Variants in NLRC5 observed in about 807,000 individuals in gnomAD.
NLRC5 encodes protein NLRC5.
A neutral mutation model predicts 206.9 loss-of-function variants in NLRC5; 114 were observed. That is an observed-to-expected ratio of 0.55 (90% CI 0.47 to 0.64). The LOEUF (loss-of-function observed/expected upper bound fraction) is 0.64. Ranked by LOEUF, NLRC5 falls within the 30% of genes least tolerant of loss-of-function variation. The pLI, the probability that NLRC5 is intolerant of heterozygous loss-of-function variation, is 0.00. For synonymous variants in NLRC5, 952 were observed against 962.8 expected, an observed-to-expected ratio of 0.99 and a Z score of 0.21; for missense variants, 2,008 against 2,305.5, an observed-to-expected ratio of 0.87 and a Z score of 2.64.
intron 1 of NLRC5, among the ~76,000 whole-genome samples, chr16:57,000,124 C>T (rs1299611193): frequency 1.3e-5 from 2 of 152,128 alleles, no homozygotes; most frequent in East Asian, 1.9e-4. Context: ...GCCCGGGACA[C>T]GCAAGCGGGA....
At chr16:57,040,829 T>C (rs2063188481) in intron 17 of NLRC5, 111 bp downstream of exon 17, 1 of 995,150 alleles carries the variant, frequency 1.0e-6, no homozygotes, top group Admixed American at 2.0e-5. Flanking sequence ...GAAGGACACC[T>C]GACCTGCTGT....
intron 27 of NLRC5, among the ~76,000 whole-genome samples, chr16:57,056,872 T>C (rs1166309862): frequency 6.6e-6 from 1 of 151,950 alleles, no homozygotes; most frequent in Non-Finnish European, 1.5e-5. Context: ...TTGGCCAGGC[T>C]GGTCTTGAAC....
rs1427192468 is a variant in NLRC5, at chr16:57,044,199, C to T, written c.3203+595C>T. ...GGTTGTGAGCCCTTGTAGTGCCAGC[C>T]GCTCAGGAGTCAGGAGAATCACTTG... On this transcript the variant is annotated intron_variant, in intron 20 of 48. Coordinates refer to ENST00000688547, the MANE Select transcript of NLRC5 (RefSeq NM_001384950.1). Among the ~76,000 whole-genome samples, 6 of 151,490 alleles carry T rather than the reference C, an allele frequency of 4.0e-5. No homozygotes were observed. The East Asian group carries it at 5.8e-4, about 15-fold the overall frequency.
intron 24 of NLRC5, among the ~76,000 whole-genome samples, chr16:57,051,841 A>G (rs2144261296): frequency 6.6e-6 from 1 of 151,888 alleles, no homozygotes; most frequent in Middle Eastern, 3.4e-3. Context: ...TACTTTGTCA[A>G]CCTCAGGGGG....
chr16:57,032,071 C>G (rs1306285245), intron 11 of NLRC5, among the ~76,000 whole-genome samples: 1 of 152,086 alleles, frequency 6.6e-6, no homozygotes, highest in Non-Finnish European at 1.5e-5. Flanking sequence ...ATCTCTTTCC[C>G]TTCTCTGGAT....
rs771824021 is a variant in NLRC5 at position 57,028,337 on chromosome 16, G to A, written c.2195G>A (p.Ser732Asn). The A allele has an allele frequency of 3.1e-6, 5 of 1,614,158 alleles. No homozygotes were observed. The East Asian group carries it at 1.1e-4, about 36-fold the overall frequency. Residue 732 changes from serine to asparagine, a missense_variant, in exon 8 of 49, where the codon AGC (serine) becomes AAC (asparagine). Coordinates refer to ENST00000688547, the MANE Select transcript of NLRC5 (RefSeq NM_001384950.1). ...AGSKITARGI[S>N]HLVKALPLCP... ...AGTAAAATCACTGCCCGAGGCATCA[G>A]CCACCTGGTGAAAGCTTTGCCTCTC...
intron 32 of NLRC5, among the ~76,000 whole-genome samples, chr16:57,063,491 T>A (rs1404543470): frequency 1.3e-5 from 2 of 152,210 alleles, no homozygotes; most frequent in African/African-American, 4.8e-5. Flanking sequence ...ATCCATCAAT[T>A]GACACTTGGG....
chr16:57,068,723 CA>C (rs1230616158), intron 36 of NLRC5, among the ~76,000 whole-genome samples: 34 of 152,314 alleles, frequency 2.2e-4, no homozygotes, highest in African/African-American at 8.2e-4. Context: ...CCAATCTCAC[CA>C]GTTCTCCCAA....
At chr16:57,010,832 T>C (rs2059406261) in intron 1 of NLRC5, among the ~76,000 whole-genome samples, 1 of 152,236 alleles carries the variant, frequency 6.6e-6, no homozygotes, top group Non-Finnish European at 1.5e-5. Context: ...CATCATCTTG[T>C]ATTTCTCTTC....
chr16:57,055,636 C>T (rs2065550566), intron 27 of NLRC5, 117 bp downstream of exon 27: 6 of 780,114 alleles, frequency 7.7e-6, no homozygotes, highest in South Asian at 7.6e-5. Flanking sequence ...CTACACCTCT[C>T]AGGACCAGCT....
At chr16:57,033,791 G>C (rs1429407178) in intron 12 of NLRC5, 122 bp downstream of exon 12, 3 of 931,326 alleles carry the variant, frequency 3.2e-6, no homozygotes, top group Non-Finnish European at 5.1e-6. Flanking sequence ...GAAAGGATTA[G>C]CCGGGTGTGG....
intron 27 of NLRC5, among the ~76,000 whole-genome samples, chr16:57,055,804 C>T (rs1270479788): frequency 1.3e-5 from 2 of 152,174 alleles, no homozygotes; most frequent in Admixed American, 1.3e-4. Context: ...CAGATGGGGG[C>T]TAAAACGCAG....
intron 46 of NLRC5, chr16:57,080,852 G>A (rs2069046680): frequency 2.0e-6 from 1 of 512,390 alleles, no homozygotes; most frequent in South Asian, 2.7e-5. Context: ...GTACATGTAT[G>A]TGGCAAAAAT....
chr16:57,070,126 T>C (rs1436636214), intron 37 of NLRC5, among the ~76,000 whole-genome samples: 3 of 152,182 alleles, frequency 2.0e-5, no homozygotes, highest in Middle Eastern at 3.2e-3. Context: ...ACAGAGGGGC[T>C]GTGGGCATGG....
intron 29 of NLRC5, 87 bp downstream of exon 29, chr16:57,059,148 C>T: frequency 3.7e-6 from 6 of 1,607,166 alleles, no homozygotes; most frequent in Non-Finnish European, 5.1e-6. Flanking sequence ...GGCACCCACA[C>T]TTTGTGGCCT....
Position 57,031,481 on chromosome 16 carries a change from G to T in NLRC5, c.2477+18G>T. 6.2e-7 allele frequency: 1 copy of T among 1,613,448 alleles called. No individual in the cohort carries two copies. The highest frequency in any genetic ancestry group is 8.5e-7 in the Non-Finnish European group (1 of 1,179,812). On this transcript the variant is annotated intron_variant, in intron 11 of 48. Coordinates refer to ENST00000688547, the MANE Select transcript of NLRC5 (RefSeq NM_001384950.1). Reference sequence around the variant, plus strand: ...CTACAAAGGTAAGAAGCCAAGAGGCGGTGGGCCTGGGGCCATCCTTAGAAG... The same window carrying T: ...CTACAAAGGTAAGAAGCCAAGAGGCTGTGGGCCTGGGGCCATCCTTAGAAG...
intron 32 of NLRC5, among the ~76,000 whole-genome samples, chr16:57,064,971 T>G (rs1237539570): frequency 6.6e-6 from 1 of 152,072 alleles, no homozygotes; most frequent in Non-Finnish European, 1.5e-5. Flanking sequence ...AAAAATATCA[T>G]TTAAAAAATA....
Position 57,054,784 on chromosome 16 carries a change from C to T in NLRC5, c.3540C>T (p.Pro1180=). ...LSQTGLSPKS[P]FLLANTLSLC... ...AGACGGGACTGTCCCCGAAAAGCCC[C>T]TTCCTGCTGGCCAACACCTTAAGCC... The change falls in exon 25 of 49, where the codon CCC becomes CCT. Residue 1180 remains proline (P), a synonymous_variant. Transcript: ENST00000688547. The T allele has an allele frequency of 1.2e-6, 2 of 1,614,202 alleles. No homozygotes were observed. The highest frequency in any genetic ancestry group is 1.7e-6 in the Non-Finnish European group (2 of 1,180,028).
At chr16:57,037,086 T>C (rs1370632374) in intron 14 of NLRC5, 109 bp from the exon 15 acceptor site, 1 of 904,548 alleles carries the variant, frequency 1.1e-6, no homozygotes, top group African/African-American at 1.6e-5. Context: ...ACCTAGGACA[T>C]CCAGGAGTGA....
Sources: gnomAD v4.1 joint callset for allele counts (sites outside exome capture counted in the v4.1 genomes callset) on GRCh38, gnomAD v4.1.1 for gene constraint, MANE v1.5 for transcripts, NCBI Gene and HGNC (gene_info 2026-07-23, HGNC 2026-07-21) for gene names.